Variants in SUCLG1 observed in about 807,000 individuals in gnomAD.
The protein encoded by SUCLG1 is succinate-CoA ligase GDP/ADP-forming subunit alpha.
A neutral mutation model predicts 37.3 loss-of-function variants in SUCLG1; 26 were observed. The observed-to-expected ratio is 0.70, with a 90% CI of 0.51 to 0.97. SUCLG1 has a LOEUF of 0.97. Among genes scored for constraint, SUCLG1 ranks in the 50% least tolerant of loss-of-function variants. The pLI is 0.00. For missense variants in SUCLG1, 433 were observed against 432.9 expected, an observed-to-expected ratio of 1.00 and a Z score of 0.00; for synonymous variants, 163 against 155.6, an observed-to-expected ratio of 1.05 and a Z score of -0.36.
intron 1 of SUCLG1, among the ~76,000 whole-genome samples, chr2:84,455,266 G>A (rs538462259): frequency 6.4e-4 from 97 of 152,080 alleles, no homozygotes; most frequent in Non-Finnish European, 1.2e-3. Context: ...AAAATGAGGC[G>A]GGCGGATCAC....
intron 6 of SUCLG1, 137 bp from the exon 7 acceptor site, chr2:84,431,796 A>G: frequency 3.5e-6 from 3 of 846,446 alleles, no homozygotes; most frequent in East Asian, 2.7e-5. Flanking sequence ...TTGCTCTTGC[A>G]TTTAATATTT....
intron 8 of SUCLG1, among the ~76,000 whole-genome samples, chr2:84,424,498 A>C (rs1672502717): frequency 6.6e-6 from 1 of 152,178 alleles, no homozygotes; most frequent in Non-Finnish European, 1.5e-5. Flanking sequence ...GTTATATTCC[A>C]AGAGCAGGAT....
chr2:84,442,613 C>T (rs796505401), intron 3 of SUCLG1, among the ~76,000 whole-genome samples: 57 of 152,100 alleles, frequency 3.7e-4, no homozygotes, highest in African/African-American at 1.3e-3. Context: ...CTTTTTGTAT[C>T]GTCTGAATTT....
chr2:84,459,201 G>A lies in SUCLG1; in HGVS notation c.69C>T (p.Ala23=), dbSNP rs866015308. The change falls in exon 1 of 9, where the codon GCC becomes GCT. Residue 23 remains alanine (A), a synonymous_variant. Coordinates refer to ENST00000393868, the MANE Select transcript of SUCLG1 (RefSeq NM_003849.4). ...TMVSGSSGLA[A]ARLLSRSFLL... ...GGAAGCTGCGCGACAGGAGACGGGC[G>A]GCGGCGAGGCCGCTGCTGCCGGAGA... is the stretch of plus-strand genomic sequence containing the variant. 105 of 1,549,892 alleles carry A rather than the reference G, an allele frequency of 6.8e-5. No homozygotes were observed. The highest frequency in any genetic ancestry group is 3.3e-4 in the Middle Eastern group (2 of 6,010).
chr2:84,450,493 C>A (rs1439978942), intron 1 of SUCLG1, among the ~76,000 whole-genome samples: 1 of 150,654 alleles, frequency 6.6e-6, no homozygotes, highest in Non-Finnish European at 1.5e-5. Context: ...GTTACTACAA[C>A]CAGCTCCCCA....
chr2:84,431,720 C>A, intron 6 of SUCLG1, 61 bp from the exon 7 acceptor site: 1 of 1,573,752 alleles, frequency 6.4e-7, no homozygotes, highest in South Asian at 1.1e-5. Flanking sequence ...GAATTTAGGT[C>A]AATAAATGTT....
intron 5 of SUCLG1, 135 bp from the exon 6 acceptor site, chr2:84,433,570 T>C (rs1161123609): frequency 1.1e-5 from 8 of 752,148 alleles, no homozygotes; most frequent in South Asian, 3.1e-5. Context: ...TCAAAATCAA[T>C]AGTATCTTCA....
intron 1 of SUCLG1, among the ~76,000 whole-genome samples, chr2:84,455,840 C>CAAAA (rs5832612): frequency 1.3e-5 from 1 of 79,914 alleles, no homozygotes. Flanking sequence ...CGTCTCAAAA[C>CAAAA]AAAAAAAAAA....
intron 2 of SUCLG1, among the ~76,000 whole-genome samples, chr2:84,447,404 A>T (rs1445768062): frequency 2.0e-5 from 3 of 152,194 alleles, no homozygotes; most frequent in Non-Finnish European, 4.4e-5. Context: ...GCAAACTATC[A>T]CCTTATTTAG....
Position 84,423,752 on chromosome 2 carries a change from C to T in SUCLG1, c.1035G>A (p.Met345Ile). ...TAGGAATTTTTTTTTTCTTTCATAG[C>T]ATCTTCCTCTTTTCAAATTCCTTCA... ...TIYKEFEKRK[M>I]L The change falls in exon 9 of 9, where the codon ATG becomes ATA. Residue 345 changes from methionine (M) to isoleucine (I), a missense_variant. By Grantham distance (10) the Met-to-Ile change is conservative (BLOSUM62 1). Transcript: ENST00000393868. The T allele has an allele frequency of 1.2e-6, 2 of 1,605,260 alleles. No individual in the cohort carries two copies. Among genetic ancestry groups the T allele is most frequent in the Non-Finnish European group, 8.5e-7 (1 of 1,174,596 alleles).
rs1244600639 is a variant in SUCLG1, at chr2:84,423,641, T to C, written c.*105A>G. The C allele has an allele frequency of 8.7e-7, 1 of 1,152,628 alleles. No individual in the cohort carries two copies. 71.4% of individuals were successfully genotyped at this position (1,152,628 alleles called of 1,614,324 possible). Reference sequence around the variant, plus strand: ...GCTTCCAGTTGTACTGCAAGACCAGTGTCAGGCACATAGGCTGATTAATCA... The same window carrying C: ...GCTTCCAGTTGTACTGCAAGACCAGCGTCAGGCACATAGGCTGATTAATCA... On this transcript the variant is annotated 3_prime_UTR_variant, in exon 9 of 9. Coordinates refer to ENST00000393868, the MANE Select transcript of SUCLG1 (RefSeq NM_003849.4).
chr2:84,440,155 A>T (rs1337312444), intron 5 of SUCLG1, among the ~76,000 whole-genome samples: 1 of 152,182 alleles, frequency 6.6e-6, no homozygotes, highest in Non-Finnish European at 1.5e-5. Context: ...CCAGCAGATC[A>T]CCTGAGGTCG....
rs746990982 is a variant in SUCLG1 at position 84,425,487 on chromosome 2, C to T, written c.942G>A (p.Lys314=). 6.2e-7 allele frequency: 1 copy of T among 1,614,236 alleles called. No individual in the cohort carries two copies. The highest frequency in any genetic ancestry group is 8.5e-7 in the Non-Finnish European group (1 of 1,180,044). Residue 314 remains lysine, a synonymous_variant, in exon 8 of 9, where the codon AAG becomes AAA. Transcript: ENST00000393868. The part of the protein sequence containing the change: ...IAGGKGGAKE[K]ISALQSAGVV... ...CTCCTGCACTCTGAAGGGCAGAGAT[C>T]TTCTCTTTAGCTCCACCTTTTCCTC...
At chr2:84,424,032 G>A (rs535477225) in intron 8 of SUCLG1, among the ~76,000 whole-genome samples, 5 of 152,248 alleles carry the variant, frequency 3.3e-5, no homozygotes, top group African/African-American at 1.2e-4. Context: ...AAGCAGAGAG[G>A]GAGGTTTTGA....
At chr2:84,429,925 G>C (rs924358783) in intron 7 of SUCLG1, among the ~76,000 whole-genome samples, 1 of 152,164 alleles carries the variant, frequency 6.6e-6, no homozygotes, top group African/African-American at 2.4e-5. Context: ...CCAAACCAAA[G>C]TAGATGGACT....
At chr2:84,454,758 C>T (rs1029013396) in intron 1 of SUCLG1, among the ~76,000 whole-genome samples, 8 of 152,154 alleles carry the variant, frequency 5.3e-5, no homozygotes, top group Admixed American at 6.5e-5. Context: ...TCCTCTTTAC[C>T]ACAGATAGTA....
intron 2 of SUCLG1, among the ~76,000 whole-genome samples, chr2:84,448,170 G>GAAAAAAAAA (rs60206307): frequency 7.3e-6 from 1 of 137,716 alleles, no homozygotes; most frequent in Non-Finnish European, 1.6e-5. Context: ...AGTTATTTCA[G>GAAAAAAAAA]AAAAAAAAAA....
chr2:84,441,856 T>C (rs567505463), intron 3 of SUCLG1, among the ~76,000 whole-genome samples: 1 of 152,166 alleles, frequency 6.6e-6, no homozygotes, highest in Admixed American at 6.5e-5. Flanking sequence ...TTAAAACTAG[T>C]ATGGAATCAA....
At chr2:84,437,157 G>C (rs534683511) in intron 5 of SUCLG1, among the ~76,000 whole-genome samples, 3 of 152,280 alleles carry the variant, frequency 2.0e-5, no homozygotes, top group African/African-American at 7.2e-5. Flanking sequence ...TCATTGAGAA[G>C]ATTAGGTGGA....
Sources: gnomAD v4.1 joint callset for allele counts (sites outside exome capture counted in the v4.1 genomes callset) on GRCh38, gnomAD v4.1.1 for gene constraint, MANE v1.5 for transcripts, NCBI Gene and HGNC (gene_info 2026-07-23, HGNC 2026-07-21) for gene names.